Variants in VPS41 observed in about 807,000 individuals in gnomAD.
The protein encoded by VPS41 is VPS41 subunit of HOPS complex.
In VPS41, 85 loss-of-function variants were observed where a neutral mutation model predicts 130.9. That is an observed-to-expected ratio of 0.65 (90% CI 0.55 to 0.78). The LOEUF (loss-of-function observed/expected upper bound fraction) is 0.78. VPS41 is among the 30% of genes least tolerant of loss of function. The pLI is 0.00. For synonymous variants in VPS41, 335 were observed against 332.9 expected, an observed-to-expected ratio of 1.01 and a Z score of -0.07; for missense variants, 874 against 1,018.7, an observed-to-expected ratio of 0.86 and a Z score of 1.93.
At chr7:38,764,137 A>G (rs1783979003) in intron 16 of VPS41, among the ~76,000 whole-genome samples, 1 of 152,236 alleles carries the variant, frequency 6.6e-6, no homozygotes, top group Admixed American at 6.5e-5. Context: ...TAGAAGAAAG[A>G]TATGCAGACA....
intron 4 of VPS41, among the ~76,000 whole-genome samples, chr7:38,856,114 T>C (rs1785978692): frequency 6.6e-6 from 1 of 152,162 alleles, no homozygotes; most frequent in Non-Finnish European, 1.5e-5. Flanking sequence ...ACTAATCTCA[T>C]CTTGAGGACT....
At chr7:38,846,866 C>G (rs1361534463) in intron 4 of VPS41, among the ~76,000 whole-genome samples, 1 of 152,098 alleles carries the variant, frequency 6.6e-6, no homozygotes, top group African/African-American at 2.4e-5. Context: ...GATAAAACGT[C>G]ACAGAGATGG....
intron 9 of VPS41, among the ~76,000 whole-genome samples, chr7:38,795,147 A>G (rs1397906073): frequency 6.6e-6 from 1 of 152,174 alleles, no homozygotes; most frequent in Non-Finnish European, 1.5e-5. Flanking sequence ...AAACCTGACT[A>G]AACAACAAAA....
At chr7:38,792,491 T>C (rs1285092432) in intron 9 of VPS41, among the ~76,000 whole-genome samples, 1 of 152,156 alleles carries the variant, frequency 6.6e-6, no homozygotes, top group African/African-American at 2.4e-5. Flanking sequence ...ACACCCCACA[T>C]CCAACTGTCA....
chr7:38,826,129 T>C (rs568105718), intron 5 of VPS41, among the ~76,000 whole-genome samples: 2 of 152,300 alleles, frequency 1.3e-5, no homozygotes, highest in East Asian at 3.9e-4. Context: ...CAGAGAGTGA[T>C]GACAGAAGCC....
At chr7:38,892,068 T>C (rs1786878706) in intron 2 of VPS41, among the ~76,000 whole-genome samples, 1 of 152,090 alleles carries the variant, frequency 6.6e-6, no homozygotes, top group African/African-American at 2.4e-5. Context: ...AAAGCAATTC[T>C]GAAACTGGTA....
At position 38,766,243 on chromosome 7, in the gene VPS41, G is replaced by A. The variant is rs142679318; in HGVS notation, c.1248-582C>T. Among the ~76,000 whole-genome samples the A allele has an allele frequency of 2.9e-3, 443 of 152,298 alleles. 2 individuals are homozygous for A. The highest frequency in any genetic ancestry group is 0.01 in the African/African-American group (433 of 41,568). ...TCTTCCAGGACTGCCATGCAGTCATGCAGCGGGCACTGCCAGTTCCAGTGG... is the reference window on the plus strand; with the variant it reads ...TCTTCCAGGACTGCCATGCAGTCATACAGCGGGCACTGCCAGTTCCAGTGG... On this transcript the variant is annotated intron_variant, in intron 15 of 28. Transcript: ENST00000310301.
rs946219136 is a variant in VPS41, at chr7:38,752,434, G to T, written c.1789-121C>A. The T allele has an allele frequency of 4.2e-6, 5 of 1,180,848 alleles. No homozygotes were observed. In the African/African-American group the frequency reaches 7.7e-5, roughly 18 times the overall value. The allele number at this position is 1,180,848 out of a possible 1,614,324, so 73.1% of individuals were successfully genotyped here. A position where few individuals can be genotyped will look rare whatever the true frequency, so the allele number is the denominator to read the frequency against. On this transcript the variant is annotated intron_variant, in intron 21 of 28. Transcript: ENST00000310301. ...CAGGTTGGGGGAGAAGCAGTCTTCA[G>T]GGAAAACCTCTAGGTGATGGAGAAG...
intron 6 of VPS41, among the ~76,000 whole-genome samples, chr7:38,819,218 C>CAA (rs1300903161): frequency 6.6e-6 from 1 of 152,238 alleles, no homozygotes; most frequent in African/African-American, 2.4e-5. Context: ...GTCTAACTTG[C>CAA]AATAGCTAGG....
intron 10 of VPS41, 72 bp from the exon 11 acceptor site, chr7:38,776,848 T>C: frequency 1.3e-6 from 1 of 765,442 alleles, no homozygotes; most frequent in East Asian, 2.6e-5. Flanking sequence ...AGGAACACAA[T>C]GACTGTGAAT....
intron 4 of VPS41, among the ~76,000 whole-genome samples, chr7:38,842,963 A>C (rs1338642144): frequency 6.6e-6 from 1 of 152,216 alleles, no homozygotes; most frequent in Non-Finnish European, 1.5e-5. Flanking sequence ...AAGCTCGATG[A>C]AGCTCCCAAG....
At chr7:38,732,833 T>A (rs1480678847) in intron 25 of VPS41, among the ~76,000 whole-genome samples, 1 of 152,196 alleles carries the variant, frequency 6.6e-6, no homozygotes, top group East Asian at 1.9e-4. Context: ...TTATTATTTT[T>A]AATTAATTTT....
intron 22 of VPS41, among the ~76,000 whole-genome samples, chr7:38,751,088 G>A (rs1481102508): frequency 2.6e-5 from 4 of 152,120 alleles, no homozygotes; most frequent in African/African-American, 7.2e-5. Flanking sequence ...TGCTAATGTC[G>A]TTTTATAAGT....
chr7:38,752,404 A>C, intron 21 of VPS41, 91 bp from the exon 22 acceptor site: 2 of 1,485,638 alleles, frequency 1.3e-6, no homozygotes, highest in Non-Finnish European at 1.8e-6. Context: ...AACACCTCCC[A>C]TGGACAGGTT....
At chr7:38,765,735 GT>G in intron 15 of VPS41, 74 bp from the exon 16 acceptor site, 1 of 943,970 alleles carries the variant, frequency 1.1e-6, no homozygotes, top group Non-Finnish European at 1.6e-6. Flanking sequence ...GACAGAATAA[GT>G]AGACATTTTC....
chr7:38,749,710 G>A (rs111705211), intron 22 of VPS41, among the ~76,000 whole-genome samples: 92 of 152,240 alleles, frequency 6.0e-4, no homozygotes, highest in Non-Finnish European at 9.4e-4. Context: ...CAGGTATTCC[G>A]TGCCCTTTAC....
chr7:38,767,935 T>C (rs929356217), intron 14 of VPS41, among the ~76,000 whole-genome samples: 2 of 152,156 alleles, frequency 1.3e-5, no homozygotes, highest in African/African-American at 4.8e-5. Context: ...AATTCCACAC[T>C]GTTAATGTAT....
At chr7:38,859,921 T>C (rs1164366944) in intron 4 of VPS41, among the ~76,000 whole-genome samples, 1 of 152,216 alleles carries the variant, frequency 6.6e-6, no homozygotes. Context: ...CTAGAAATAA[T>C]CTCAAAAAAC....
intron 25 of VPS41, chr7:38,741,264 T>C (rs778027445): frequency 3.8e-5 from 11 of 288,916 alleles, no homozygotes; most frequent in Non-Finnish European, 7.1e-5. Context: ...TCAAGTAAAT[T>C]AGAGGAAGAA....
Sources: allele counts gnomAD v4.1 joint callset (sites outside exome capture counted in the v4.1 genomes callset), GRCh38; gene constraint gnomAD v4.1.1; transcripts MANE v1.5; gene names NCBI Gene and HGNC (gene_info 2026-07-23, HGNC 2026-07-21).